Variants in SUPT6H observed in about 807,000 individuals in gnomAD.
SUPT6H encodes transcription elongation factor SPT6.
SUPT6H carries 11 observed loss-of-function variants against 222.3 expected under a neutral mutation model. The observed-to-expected ratio is 0.05, with a 90% CI of 0.03 to 0.08. SUPT6H has a LOEUF of 0.08. Ranked by LOEUF, SUPT6H falls within the 10% of genes least tolerant of loss-of-function variation. The pLI, the probability that SUPT6H is intolerant of heterozygous loss-of-function variation, is 1.00. For synonymous variants in SUPT6H, 762 were observed against 801.2 expected, an observed-to-expected ratio of 0.95 and a Z score of 0.83; for missense variants, 1,422 against 2,216.0, an observed-to-expected ratio of 0.64 and a Z score of 7.19.
intron 1 of SUPT6H, chr17:28,670,942 A>G (rs2030378569): frequency 6.6e-6 from 1 of 152,280 alleles, no homozygotes; most frequent in African/African-American, 2.4e-5. Flanking sequence ...CTCTTAGCAG[A>G]GTATATGTAC....
At chr17:28,672,498 C>T (rs1169907619) in intron 1 of SUPT6H, 6 of 151,716 alleles carry the variant, frequency 4.0e-5, no homozygotes, top group Admixed American at 2.6e-4. Context: ...ACTGCAACCT[C>T]CACCTCCCGG....
At chr17:28,690,339 G>A (rs1356197319) in intron 26 of SUPT6H, 110 bp downstream of exon 26, 1 of 1,366,144 alleles carries the variant, frequency 7.3e-7, no homozygotes, top group Admixed American at 2.3e-5. Context: ...TGTACATGGG[G>A]AAGGCCAGGA....
At position 28,673,415 on chromosome 17, in the gene SUPT6H, T is replaced by C. The variant is rs1308814003; in HGVS notation, c.14T>C (p.Val5Ala). ...GAAGCTGCAGCAATGTCTGATTTTG[T>C]GGAAAGCGAGGCTGAGGAGTCAGAG... The part of the protein sequence containing the change: MSDF[V>A]ESEAEESEEE... The change falls in exon 2 of 37, where the codon GTG becomes GCG. Residue 5 changes from valine (V) to alanine (A), a missense_variant. Coordinates refer to ENST00000314616, the MANE Select transcript of SUPT6H (RefSeq NM_003170.5). 6.2e-7 allele frequency: 1 copy of C among 1,613,918 alleles called. No homozygotes were observed. The highest frequency in any genetic ancestry group is 8.5e-7 in the Non-Finnish European group (1 of 1,179,862).
intron 13 of SUPT6H, 55 bp from the exon 14 acceptor site, chr17:28,682,672 A>C: frequency 6.3e-7 from 1 of 1,585,702 alleles, no homozygotes; most frequent in Non-Finnish European, 8.6e-7. Context: ...TCTGAAAGCC[A>C]AGAGGTTTAT....
chr17:28,701,114 G>A lies in SUPT6H; in HGVS notation c.4980G>A (p.Arg1660=). 1.2e-6 allele frequency: 2 copies of A among 1,609,762 alleles called. No homozygotes were observed. Among genetic ancestry groups the A allele is most frequent in the South Asian group, 2.2e-5 (2 of 90,828 alleles). Residue 1660 remains arginine (R), a synonymous_variant, in exon 36 of 37, where the codon CGG becomes CGA. Transcript: ENST00000314616. The part of the protein sequence containing the change: ...QPQPSSSSRQ[R]QQQPKSNSHA... ...AGCCCTCTTCCAGCTCCCGGCAACG[G>A]CAGCAGCAGCCAAAGTAAGTATCTG...
At chr17:28,690,489 G>T (rs2031589839) in intron 26 of SUPT6H, among the ~76,000 whole-genome samples, 1 of 152,182 alleles carries the variant, frequency 6.6e-6, no homozygotes, top group South Asian at 2.1e-4. Context: ...CAAATCAGGG[G>T]AACGGCCAGG....
chr17:28,679,615 C>T (rs1406815417), intron 11 of SUPT6H, among the ~76,000 whole-genome samples: 2 of 151,714 alleles, frequency 1.3e-5, no homozygotes, highest in South Asian at 2.1e-4. Context: ...CTCCTGACCT[C>T]GTGATCTGCC....
At chr17:28,692,375 G>A (rs1410502589) in intron 27 of SUPT6H, among the ~76,000 whole-genome samples, 2 of 146,636 alleles carry the variant, frequency 1.4e-5, no homozygotes, top group African/African-American at 5.1e-5. Flanking sequence ...GCTCATGCCT[G>A]TAATCCCAGT....
chr17:28,667,439 ATG>A (rs1160938841), intron 1 of SUPT6H, among the ~76,000 whole-genome samples: 41 of 119,430 alleles, frequency 3.4e-4, no homozygotes, highest in African/African-American at 9.5e-4. Context: ...ATATATATGT[ATG>A]TGTGTGTGTA....
At chr17:28,699,920 G>A (rs377235966) in intron 33 of SUPT6H, 27 bp downstream of exon 33, 2 of 1,601,130 alleles carry the variant, frequency 1.2e-6, no homozygotes, top group Non-Finnish European at 8.6e-7. Flanking sequence ...CTGACTTCAG[G>A]GACGTGGCTG....
At chr17:28,694,555 G>A (rs778401465) in intron 28 of SUPT6H, among the ~76,000 whole-genome samples, 14 of 152,150 alleles carry the variant, frequency 9.2e-5, no homozygotes, top group Non-Finnish European at 1.9e-4. Flanking sequence ...TAGGAGGGCT[G>A]GGGAAAAATA....
rs755466581 is a variant in SUPT6H, at chr17:28,681,266, G to A, written c.1360G>A (p.Val454Ile). 4 of 1,613,890 alleles carry A rather than the reference G, an allele frequency of 2.5e-6. No homozygotes were observed. The South Asian group carries it at 3.3e-5, about 13-fold the overall frequency. Residue 454 changes from valine to isoleucine, a missense_variant, in exon 12 of 37, where the codon GTC becomes ATC. Val to Ile is a conservative substitution (Grantham distance 29). Around this residue, in one of 13 missense-constraint regions of SUPT6H, gnomAD observed 389 missense variants for 544.6 expected, o/e 0.71. Transcript: ENST00000314616. ...DTTDMERLKD[V>I]QSMDELKDVY... ...TCTCTTCTTTTTCAGGCTCAAGGAT[G>A]TCCAATCAATGGATGAGCTGAAAGA...
chr17:28,682,649 TC>T lies in SUPT6H; in HGVS notation c.1598-76del, dbSNP rs1273152633. ...AATAAAAAAGGCTAGTTCCCAGAAT[TC>T]CAACTCCAGATTCTGAAAGCCAAGA... On this transcript the variant is annotated intron_variant, in intron 13 of 36. Coordinates refer to ENST00000314616, the MANE Select transcript of SUPT6H (RefSeq NM_003170.5). 1.9e-6 allele frequency: 3 copies of T among 1,560,162 alleles called. No homozygotes were observed. The African/African-American group carries it at 4.1e-5, about 21-fold the overall frequency.
At position 28,678,902 on chromosome 17, in the gene SUPT6H, G is replaced by A; in HGVS notation, c.1288G>A (p.Ala430Thr). The A allele has an allele frequency of 6.2e-7, 1 of 1,614,222 alleles. No homozygotes were observed. Among genetic ancestry groups the A allele is most frequent in the South Asian group, 1.1e-5 (1 of 91,086 alleles). The change falls in exon 11 of 37, where the codon GCT becomes ACT. Residue 430 changes from alanine to threonine, a missense_variant. Coordinates refer to ENST00000314616, the MANE Select transcript of SUPT6H (RefSeq NM_003170.5). ...GGCTTATCAGTATGAACAGATCTCTGCTGACCCTGACAAACCTCTTGCTGA... is the reference window on the plus strand; with the variant it reads ...GGCTTATCAGTATGAACAGATCTCTACTGACCCTGACAAACCTCTTGCTGA... ...MQAYQYEQIS[A>T]DPDKPLADGI... is the part of the protein sequence containing the mutation.
rs907814452 is a variant in SUPT6H at position 28,693,333 on chromosome 17, C to T, written c.3634-363C>T. 3.9e-5 allele frequency among the ~76,000 whole-genome samples: 6 copies of T among 152,042 alleles called. No individual in the cohort carries two copies. The East Asian group carries it at 5.8e-4, about 15-fold the overall frequency. On this transcript the variant is annotated intron_variant, in intron 27 of 36. Transcript: ENST00000314616. ...AAAATCCGCCCTGTGTGGTGATGCACGCCTGTAATCCCACCTACTCAGGAG... is the reference window on the plus strand; with the variant it reads ...AAAATCCGCCCTGTGTGGTGATGCATGCCTGTAATCCCACCTACTCAGGAG...
intron 32 of SUPT6H, 29 bp from the exon 33 acceptor site, chr17:28,699,752 C>T (rs1319819025): frequency 1.9e-6 from 3 of 1,600,330 alleles, no homozygotes; most frequent in South Asian, 1.1e-5. Context: ...CAAGTGGTTT[C>T]TGATGCATGT....
chr17:28,686,877 G>A (rs766145268), intron 21 of SUPT6H, 88 bp downstream of exon 21: 54 of 1,501,940 alleles, frequency 3.6e-5, no homozygotes, highest in Non-Finnish European at 4.5e-5. Flanking sequence ...AGTTATCAGG[G>A]GCACAGGACT....
Position 28,684,570 on chromosome 17 carries a change from G to T in SUPT6H, c.2230-16G>T, listed in dbSNP as rs1036365016. 6.2e-7 allele frequency: 1 copy of T among 1,614,068 alleles called. No individual in the cohort carries two copies. Among genetic ancestry groups the T allele is most frequent in the South Asian group, 1.1e-5 (1 of 91,084 alleles). On this transcript the variant is annotated splice_polypyrimidine_tract_variant and intron_variant, in intron 17 of 36. Coordinates refer to ENST00000314616, the MANE Select transcript of SUPT6H (RefSeq NM_003170.5). Reference sequence around the variant, plus strand: ...TGTCATCATGTATGTAATACCTGTTGTGTCTCTTCCCTCAGGCCTGTAGTC... The same window carrying T: ...TGTCATCATGTATGTAATACCTGTTTTGTCTCTTCCCTCAGGCCTGTAGTC...
chr17:28,692,890 A>C (rs1314638143), intron 27 of SUPT6H, among the ~76,000 whole-genome samples: 2 of 147,086 alleles, frequency 1.4e-5, no homozygotes, highest in East Asian at 4.1e-4. Context: ...AGTCCCAGCT[A>C]CTCGGGAGGC....
Sources: allele counts gnomAD v4.1 joint callset (sites outside exome capture counted in the v4.1 genomes callset), GRCh38; gene constraint gnomAD v4.1.1; regional missense constraint gnomAD v4.1.1; transcripts MANE v1.5; gene names NCBI Gene and HGNC (gene_info 2026-07-23, HGNC 2026-07-21).